KCND2: variants seen among roughly 807,000 people sequenced by gnomAD.
KCND2 encodes the protein A-type voltage-gated potassium channel KCND2.
A neutral mutation model predicts 54.4 loss-of-function variants in KCND2; 16 were observed. That is an observed-to-expected ratio of 0.29 (90% CI 0.20 to 0.45). KCND2 has a LOEUF of 0.45. Ranked by LOEUF, KCND2 falls within the 20% of genes least tolerant of loss-of-function variation. KCND2 has a pLI of 1.00. For missense variants in KCND2, 486 were observed against 824.2 expected, an observed-to-expected ratio of 0.59 and a Z score of 5.02; for synonymous variants, 317 against 310.7, an observed-to-expected ratio of 1.02 and a Z score of -0.21.
At chr7:120,576,836 A>T (rs776295406) in intron 1 of KCND2, among the ~76,000 whole-genome samples, 1 of 152,186 alleles carries the variant, frequency 6.6e-6, no homozygotes, top group Non-Finnish European at 1.5e-5. Context: ...AAATGTAATA[A>T]TGATTTCTTA....
At chr7:120,355,314 A>T (rs145530996) in intron 1 of KCND2, among the ~76,000 whole-genome samples, 62 of 152,310 alleles carry the variant, frequency 4.1e-4, no homozygotes, top group African/African-American at 1.4e-3. Flanking sequence ...TGAGAGGCAG[A>T]TGTGGGTGGA....
chr7:120,614,934 C>A (rs1562888468), intron 1 of KCND2, among the ~76,000 whole-genome samples: 1 of 152,118 alleles, frequency 6.6e-6, no homozygotes, highest in Non-Finnish European at 1.5e-5. Context: ...ATCCCAGGAG[C>A]TTTTCTTTTC....
chr7:120,678,899 T>C (rs1188679063), intron 1 of KCND2, among the ~76,000 whole-genome samples: 5 of 151,324 alleles, frequency 3.3e-5, no homozygotes, highest in Non-Finnish European at 1.5e-5. Flanking sequence ...TTGACCCAAT[T>C]GTGCTTGACT....
intron 1 of KCND2, among the ~76,000 whole-genome samples, chr7:120,579,634 AAATAAAT>A (rs1458155013): frequency 2.9e-5 from 4 of 140,176 alleles, no homozygotes; most frequent in South Asian, 2.1e-4. Context: ...ATAAATAAAT[AAATAAAT>A]AAATAAAATA....
At chr7:120,356,098 A>G (rs937800705) in intron 1 of KCND2, among the ~76,000 whole-genome samples, 6 of 151,900 alleles carry the variant, frequency 3.9e-5, no homozygotes, top group Non-Finnish European at 7.4e-5. Context: ...GAAAGGACAA[A>G]CCAGTCTCGA....
chr7:120,334,550 T>C (rs1190076959), intron 1 of KCND2, among the ~76,000 whole-genome samples: 1 of 152,212 alleles, frequency 6.6e-6, no homozygotes, highest in Non-Finnish European at 1.5e-5. Context: ...TAAAAATTAC[T>C]TTCTCAGAAC....
intron 1 of KCND2, among the ~76,000 whole-genome samples, chr7:120,394,239 G>C (rs1384002596): frequency 6.6e-6 from 1 of 151,918 alleles, no homozygotes; most frequent in East Asian, 1.9e-4. Flanking sequence ...TTCAAGTATA[G>C]TTTGGTGGGT....
chr7:120,541,411 A>G (rs1402834848), intron 1 of KCND2, among the ~76,000 whole-genome samples: 1 of 151,836 alleles, frequency 6.6e-6, no homozygotes, highest in Non-Finnish European at 1.5e-5. Context: ...TTTTTTTTCC[A>G]TATAGACCAG....
At chr7:120,475,978 A>G (rs1207691353) in intron 1 of KCND2, among the ~76,000 whole-genome samples, 1 of 152,244 alleles carries the variant, frequency 6.6e-6, no homozygotes, top group Non-Finnish European at 1.5e-5. Flanking sequence ...GCAAATACCT[A>G]TCATCATAAT....
intron 1 of KCND2, among the ~76,000 whole-genome samples, chr7:120,348,606 T>C (rs1800358487): frequency 6.6e-6 from 1 of 152,158 alleles, no homozygotes; most frequent in African/African-American, 2.4e-5. Context: ...GTCAAATTAC[T>C]CTATGCTCTA....
intron 1 of KCND2, among the ~76,000 whole-genome samples, chr7:120,305,550 C>T (rs979502329): frequency 2.6e-5 from 4 of 152,156 alleles, no homozygotes; most frequent in Admixed American, 2.0e-4. Context: ...TATTCTCAAA[C>T]ACATCTTTTA....
intron 1 of KCND2, among the ~76,000 whole-genome samples, chr7:120,279,922 G>A (rs1266324127): frequency 6.6e-6 from 1 of 151,718 alleles, no homozygotes; most frequent in Non-Finnish European, 1.5e-5. Flanking sequence ...ATATAGCTTT[G>A]GGTAATGATG....
intron 1 of KCND2, among the ~76,000 whole-genome samples, chr7:120,655,850 A>G (rs964546377): frequency 2.0e-5 from 3 of 152,098 alleles, no homozygotes; most frequent in African/African-American, 4.8e-5. Context: ...TAAAACAAAC[A>G]CTATCATTTT....
At chr7:120,356,632 A>G (rs1800510329) in intron 1 of KCND2, among the ~76,000 whole-genome samples, 1 of 152,146 alleles carries the variant, frequency 6.6e-6, no homozygotes, top group South Asian at 2.1e-4. Context: ...CCATAATATT[A>G]GATAAGTCAA....
chr7:120,507,210 A>G (rs2116325544), intron 1 of KCND2, among the ~76,000 whole-genome samples: 1 of 151,954 alleles, frequency 6.6e-6, no homozygotes, highest in South Asian at 2.1e-4. Context: ...CACAGACTTC[A>G]AAAGGATAGC....
At chr7:120,330,601 A>AAAAC (rs1214233894) in intron 1 of KCND2, among the ~76,000 whole-genome samples, 4 of 150,480 alleles carry the variant, frequency 2.7e-5, no homozygotes, top group African/African-American at 9.7e-5. Context: ...AAAAAAAAAA[A>AAAAC]AAAAAAGTTA....
intron 1 of KCND2, among the ~76,000 whole-genome samples, chr7:120,658,657 A>G (rs1484740861): frequency 6.6e-6 from 1 of 152,168 alleles, no homozygotes; most frequent in Non-Finnish European, 1.5e-5. Flanking sequence ...ACCTTGAAAG[A>G]AAAAGGTCCC....
intron 1 of KCND2, among the ~76,000 whole-genome samples, chr7:120,727,804 G>A (rs1792752788): frequency 6.6e-6 from 1 of 152,018 alleles, no homozygotes; most frequent in Admixed American, 6.6e-5. Context: ...AGTAAATATA[G>A]GAGAAAGAAG....
intron 1 of KCND2, among the ~76,000 whole-genome samples, chr7:120,548,593 A>G (rs1383318447): frequency 5.9e-5 from 9 of 152,212 alleles, no homozygotes; most frequent in African/African-American, 2.2e-4. Context: ...CTCAGTGCAA[A>G]AAGAGGATTC....
Sources: gnomAD v4.1 joint callset for allele counts (sites outside exome capture counted in the v4.1 genomes callset) on GRCh38, gnomAD v4.1.1 for gene constraint, MANE v1.5 for transcripts, NCBI Gene and HGNC (gene_info 2026-07-23, HGNC 2026-07-21) for gene names.